Variants in SLC5A5 observed in about 807,000 individuals in gnomAD.
SLC5A5 encodes sodium/iodide cotransporter.
Under a neutral mutation model 68.6 loss-of-function variants are expected in SLC5A5, and 56 were observed. The ratio of observed to expected loss-of-function variants is 0.82; its 90% CI spans 0.66 to 1.02. The LOEUF (loss-of-function observed/expected upper bound fraction) is 1.02, where lower values mean the gene tolerates loss of function less well. SLC5A5 is among the 50% of genes least tolerant of loss of function. SLC5A5 has a pLI of 0.00. For missense variants in SLC5A5, 807 were observed against 859.8 expected (o/e 0.94, Z 0.77); for synonymous variants, 398 against 373.0 (o/e 1.07, Z -0.77).
chr19:17,877,502 T>A (rs2094310208), intron 5 of SLC5A5, among the ~76,000 whole-genome samples: 1 of 152,012 alleles, frequency 6.6e-6, no homozygotes, highest in Admixed American at 6.6e-5. Context: ...AGAGATGGGG[T>A]TTCACCATGT....
At chr19:17,879,428 C>G (rs915854741) in intron 7 of SLC5A5, among the ~76,000 whole-genome samples, 1 of 152,228 alleles carries the variant, frequency 6.6e-6, no homozygotes, top group Admixed American at 6.6e-5. Flanking sequence ...CCACTCTGTG[C>G]CTCATGCTGT....
At position 17,878,065 on chromosome 19, in the gene SLC5A5, TCCTG is replaced by T; in HGVS notation, c.942_945del (p.Leu315GlyfsTer52). ...TTCTACACTGACTGCGACCCTCTCC[TCCTG>T]GGGCGCATCTCTGCCCCAGACCAGG... On this transcript the variant is annotated frameshift_variant, in exon 7 of 15. Coordinates refer to ENST00000222248, the MANE Select transcript of SLC5A5 (RefSeq NM_000453.3). 1 of 1,612,392 alleles carries T rather than the reference TCCTG, an allele frequency of 6.2e-7. No individual in the cohort carries two copies. Among genetic ancestry groups the T allele is most frequent in the East Asian group, 2.2e-5 (1 of 44,880 alleles).
chr19:17,882,000 G>A lies in SLC5A5; in HGVS notation c.1099G>A (p.Val367Ile). 6.2e-7 allele frequency: 1 copy of A among 1,614,208 alleles called. No individual in the cohort carries two copies. Among genetic ancestry groups the A allele is most frequent in the Non-Finnish European group, 8.5e-7 (1 of 1,180,032 alleles). Residue 367 changes from valine to isoleucine, a missense_variant, in exon 9 of 15, where the codon GTA becomes ATA. Transcript: ENST00000222248. Reference protein sequence around the residue: ...TSINAMAAVTVEDLIKPRLRS... With the variant: ...TSINAMAAVTIEDLIKPRLRS... ...CATCAATGCTATGGCTGCAGTCACT[G>A]TAGAAGACCTCATCAAACCTCGGCT...
intron 4 of SLC5A5, among the ~76,000 whole-genome samples, chr19:17,875,055 T>C (rs1031126867): frequency 6.6e-6 from 1 of 152,196 alleles, no homozygotes; most frequent in South Asian, 2.1e-4. Context: ...TTGATGGCGA[T>C]ATTATCATCG....
intron 1 of SLC5A5, among the ~76,000 whole-genome samples, chr19:17,873,182 C>T (rs1424860225): frequency 6.6e-6 from 1 of 152,220 alleles, no homozygotes; most frequent in East Asian, 1.9e-4. Flanking sequence ...TGACCGGGGC[C>T]CGGTGCGGTG....
At chr19:17,889,020 A>G (rs1049760481) in intron 13 of SLC5A5, among the ~76,000 whole-genome samples, 2 of 151,930 alleles carry the variant, frequency 1.3e-5, no homozygotes, top group Non-Finnish European at 1.5e-5. Flanking sequence ...GTATATATAC[A>G]TAAAAGAAAT....
Position 17,872,370 on chromosome 19 carries a change from C to A in SLC5A5, c.51C>A (p.Tyr17Ter). The part of the protein sequence containing the change: ...GERPTFGAWD[Y>*]GVFALMLLVS... ...GGCCCACCTTCGGAGCCTGGGACTACGGGGTCTTTGCCCTCATGCTCCTGG... is the reference window on the plus strand; with the variant it reads ...GGCCCACCTTCGGAGCCTGGGACTAAGGGGTCTTTGCCCTCATGCTCCTGG... The change falls in exon 1 of 15, where the codon TAC becomes TAA. Residue 17 changes from tyrosine to a stop codon, truncating the protein, a stop_gained. Transcript: ENST00000222248. LOFTEE classifies it high-confidence loss of function. 6.3e-7 allele frequency: 1 copy of A among 1,595,766 alleles called. No homozygotes were observed. The highest frequency in any genetic ancestry group is 8.5e-7 in the Non-Finnish European group (1 of 1,171,264).
chr19:17,873,990 G>A (rs528280514), intron 1 of SLC5A5, 148 bp from the exon 2 acceptor site: 1 of 700,934 alleles, frequency 1.4e-6, no homozygotes, highest in African/African-American at 1.8e-5. Context: ...ACGGGTGTGT[G>A]CGTGCGGCGG....
At chr19:17,886,604 G>A (rs375398070) in intron 12 of SLC5A5, among the ~76,000 whole-genome samples, 7 of 152,104 alleles carry the variant, frequency 4.6e-5, no homozygotes, top group South Asian at 2.1e-4. Context: ...CACCACGCCC[G>A]GCCTATGTTT....
At chr19:17,884,945 C>T (rs1248000460) in intron 12 of SLC5A5, among the ~76,000 whole-genome samples, 1 of 150,958 alleles carries the variant, frequency 6.6e-6, no homozygotes, top group Non-Finnish European at 1.5e-5. Flanking sequence ...CCGCCCACCT[C>T]AGCCTCCCAA....
At chr19:17,875,616 A>T (rs2094305084) in intron 4 of SLC5A5, among the ~76,000 whole-genome samples, 2 of 145,718 alleles carry the variant, frequency 1.4e-5, no homozygotes, top group South Asian at 2.3e-4. Flanking sequence ...TCTACAAAAA[A>T]AATTTTTTTT....
chr19:17,872,033 CG>C lies in SLC5A5; in HGVS notation c.-285del. 1 of 480,776 alleles carries C rather than the reference CG, an allele frequency of 2.1e-6. No homozygotes were observed. Among genetic ancestry groups the C allele is most frequent in the South Asian group, 2.3e-5 (1 of 43,194 alleles). 29.8% of individuals were successfully genotyped at this position (480,776 alleles called of 1,614,324 possible). A position where few individuals can be genotyped will look rare whatever the true frequency, so the allele number is the denominator to read the frequency against. Reference sequence around the variant, plus strand: ...ACAGACAGCCGGCTGCATGGGACAGCGGAACCCAGAGTGAGAGGGGAGGTGG... The same window carrying C: ...ACAGACAGCCGGCTGCATGGGACAGCGAACCCAGAGTGAGAGGGGAGGTGG... On this transcript the variant is annotated 5_prime_UTR_variant, in exon 1 of 15. It removes the in-frame stop codon of an upstream open reading frame in the 5' UTR. Transcript: ENST00000222248.
intron 12 of SLC5A5, among the ~76,000 whole-genome samples, chr19:17,887,950 T>C (rs2029986433): frequency 1.3e-5 from 2 of 152,148 alleles, no homozygotes; most frequent in Admixed American, 1.3e-4. Flanking sequence ...TTTTTTTCTT[T>C]GGTGGCTTTT....
intron 7 of SLC5A5, among the ~76,000 whole-genome samples, chr19:17,879,122 G>T (rs111808879): frequency 0.017 from 2,517 of 149,196 alleles, 73 homozygotes; most frequent in African/African-American, 0.058. Context: ...GAAAAACCCC[G>T]TCCCTACTGA....
chr19:17,876,175 A>G, intron 5 of SLC5A5, 69 bp downstream of exon 5: 1 of 1,546,170 alleles, frequency 6.5e-7, no homozygotes. Context: ...CATGCCTGTA[A>G]TCCCAGCACT....
At chr19:17,877,627 G>A (rs1008792475) in intron 5 of SLC5A5, 96 bp from the exon 6 acceptor site, 1 of 1,491,642 alleles carries the variant, frequency 6.7e-7, no homozygotes, top group Non-Finnish European at 9.2e-7. Context: ...CACTCCAAAT[G>A]TCCCCTATAA....
Position 17,883,922 on chromosome 19 carries a change from C to G in SLC5A5, c.1402C>G (p.Pro468Ala). ...WVALGATLYP[P>A]SEQTMRVLPS... ...GGCCTTGGGCGCCACGCTGTACCCACCCAGCGAGCAGACCATGAGGGTCCT... is the reference window on the plus strand; with the variant it reads ...GGCCTTGGGCGCCACGCTGTACCCAGCCAGCGAGCAGACCATGAGGGTCCT... Residue 468 changes from proline (P) to alanine (A), a missense_variant, in exon 12 of 15, where the codon CCC (proline) becomes GCC (alanine). Physicochemically the swap from Pro to Ala is conservative, Grantham distance 27. Coordinates refer to ENST00000222248, the MANE Select transcript of SLC5A5 (RefSeq NM_000453.3). 3 of 1,565,136 alleles carry G rather than the reference C, an allele frequency of 1.9e-6. No individual in the cohort carries two copies. Among genetic ancestry groups the G allele is most frequent in the South Asian group, 1.2e-5 (1 of 86,132 alleles).
At chr19:17,882,517 C>CTTTTTTTT (rs745349830) in intron 10 of SLC5A5, among the ~76,000 whole-genome samples, 3 of 128,174 alleles carry the variant, frequency 2.3e-5, no homozygotes, top group Non-Finnish European at 5.0e-5. Flanking sequence ...TTTCTTTTTT[C>CTTTTTTTT]TTTTTTTTTT....
At chr19:17,879,388 G>A (rs2147737612) in intron 7 of SLC5A5, among the ~76,000 whole-genome samples, 1 of 152,242 alleles carries the variant, frequency 6.6e-6, no homozygotes. Flanking sequence ...TAATAATAAT[G>A]ACAGCTCTGG....
Sources: allele counts gnomAD v4.1 joint callset (sites outside exome capture counted in the v4.1 genomes callset), GRCh38; gene constraint gnomAD v4.1.1; transcripts MANE v1.5; gene names NCBI Gene and HGNC (gene_info 2026-07-23, HGNC 2026-07-21).